The following MLIP variants were observed in gnomAD, a reference collection of about 807,000 sequenced individuals.
MLIP encodes the protein muscular LMNA-interacting protein.
MLIP carries 79 observed loss-of-function variants against 84.8 expected under a neutral mutation model. The observed-to-expected ratio is 0.93, with a 90% CI of 0.78 to 1.12. The LOEUF (loss-of-function observed/expected upper bound fraction) is 1.12, where lower values mean the gene tolerates loss of function less well. MLIP is among the 50% of genes most tolerant of loss of function. The pLI is 0.00. For missense variants in MLIP, 1,257 were observed against 1,160.6 expected (o/e 1.08, Z -1.21); for synonymous variants, 504 against 463.0 (o/e 1.09, Z -1.14).
At position 54,137,857 on chromosome 6, in the gene MLIP, T is replaced by C; in HGVS notation, c.1788T>C (p.Pro596=). Residue 596 remains proline (P), a synonymous_variant, in exon 4 of 14, where the codon CCT becomes CCC. Coordinates refer to ENST00000502396, the MANE Select transcript of MLIP (RefSeq NM_001281747.2). ...CCTCTGCATTATCTTCTCTATCTCC[T>C]CCTATTAATCAAAGAGCTACGTTCT... The part of the protein sequence containing the change: ...LASSALSSLS[P]PINQRATFSS... 3 of 1,536,058 alleles carry C rather than the reference T, an allele frequency of 2.0e-6. No homozygotes were observed. The highest frequency in any genetic ancestry group is 2.4e-5 in the South Asian group (2 of 84,056).
intron 1 of MLIP, among the ~76,000 whole-genome samples, chr6:54,035,832 G>A (rs1024652788): frequency 1.3e-5 from 2 of 151,836 alleles, no homozygotes; most frequent in Non-Finnish European, 1.5e-5. Flanking sequence ...TTCTTGTTAA[G>A]TTTTAAAAGT....
intron 1 of MLIP, among the ~76,000 whole-genome samples, chr6:54,114,919 A>G (rs1388143458): frequency 6.6e-6 from 1 of 152,224 alleles, no homozygotes; most frequent in African/African-American, 2.4e-5. Context: ...AGATGTGTGA[A>G]TAAATGTGGT....
intron 13 of MLIP, among the ~76,000 whole-genome samples, chr6:54,263,993 A>G (rs1562123468): frequency 6.6e-6 from 1 of 152,080 alleles, no homozygotes; most frequent in Non-Finnish European, 1.5e-5. Flanking sequence ...AAATAAACCC[A>G]GTAAAAACTT....
At position 54,066,885 on chromosome 6, in the gene MLIP, A is replaced by C. The variant is rs1339225848; in HGVS notation, c.63+47794A>C. Among the ~76,000 whole-genome samples the C allele has an allele frequency of 3.0e-5, 3 of 99,854 alleles. 1 individual carries two copies. The highest frequency in any genetic ancestry group is 5.7e-5 in the Non-Finnish European group (2 of 34,796). 65.5% of individuals were successfully genotyped at this position (99,854 alleles called of 152,430 possible). On this transcript the variant is annotated intron_variant, in intron 1 of 12. Transcript: ENST00000274897. ...CTAGGAAGTGATGTTTTATCCAAAA[A>C]AAATGGGAGTCAATTAAAAAAAGAG...
intron 1 of MLIP, among the ~76,000 whole-genome samples, chr6:54,048,972 T>C (rs1765226562): frequency 6.6e-6 from 1 of 152,188 alleles, no homozygotes; most frequent in South Asian, 2.1e-4. Context: ...GTGGCACACT[T>C]GAGATAAAAA....
At chr6:54,082,678 A>G (rs1429749264) in intron 1 of MLIP, among the ~76,000 whole-genome samples, 2 of 152,108 alleles carry the variant, frequency 1.3e-5, no homozygotes, top group Admixed American at 1.3e-4. Context: ...TGGTATTGCC[A>G]ATTTGGTGGG....
chr6:54,174,579 G>A (rs768507258), intron 9 of MLIP, among the ~76,000 whole-genome samples: 6 of 151,728 alleles, frequency 4.0e-5, no homozygotes, highest in African/African-American at 1.2e-4. Flanking sequence ...ATCTTTTGCC[G>A]ATTTTAAACT....
rs530301307 is a variant in MLIP, at chr6:54,095,299, G to A, written c.64-26148G>A. Among the ~76,000 whole-genome samples the A allele has an allele frequency of 2.6e-3, 392 of 152,254 alleles. 4 individuals are homozygous for A. Among genetic ancestry groups the A allele is most frequent in the African/African-American group, 8.7e-3 (361 of 41,562 alleles). On this transcript the variant is annotated intron_variant, in intron 1 of 12. Coordinates refer to the MLIP transcript ENST00000274897. ...ATATTGGTCACAATTCAGGTACATCGTGGGGAAGACAGACTTTTGCTCCCT... is the reference window on the plus strand; with the variant it reads ...ATATTGGTCACAATTCAGGTACATCATGGGGAAGACAGACTTTTGCTCCCT...
intron 1 of MLIP, chr6:54,047,376 A>T (rs7742682): frequency 3.3e-5 from 5 of 152,216 alleles, no homozygotes; most frequent in Non-Finnish European, 7.3e-5. Context: ...AGGCACTTAG[A>T]CTGAGCTTCT....
At chr6:54,243,316 C>T (rs182278351) in intron 12 of MLIP, among the ~76,000 whole-genome samples, 1 of 152,162 alleles carries the variant, frequency 6.6e-6, no homozygotes, top group Admixed American at 6.5e-5. Context: ...AGAAAAGGAA[C>T]AGAGCAAACT....
At chr6:54,035,645 T>G (rs1764389867) in intron 1 of MLIP, among the ~76,000 whole-genome samples, 2 of 152,068 alleles carry the variant, frequency 1.3e-5, no homozygotes, top group African/African-American at 4.8e-5. Flanking sequence ...TATTATTTTT[T>G]GTTTTAGCTA....
chr6:54,217,683 A>G, intron 11 of MLIP: 1 of 984,224 alleles, frequency 1.0e-6, no homozygotes, highest in Non-Finnish European at 1.2e-6. Flanking sequence ...TTCTATGTAT[A>G]CTGAAATTGA....
At chr6:54,183,748 T>TTG (rs1404243495) in intron 9 of MLIP, among the ~76,000 whole-genome samples, 1 of 147,440 alleles carries the variant, frequency 6.8e-6, no homozygotes, top group Non-Finnish European at 1.5e-5. Flanking sequence ...GGTAAGTTTT[T>TTG]TTTTTTTTTT....
intron 11 of MLIP, among the ~76,000 whole-genome samples, chr6:54,213,107 G>A (rs372873689): frequency 1.3e-5 from 2 of 152,274 alleles, no homozygotes; most frequent in South Asian, 2.1e-4. Context: ...AAGACTCTGG[G>A]TTAATCCTTG....
intron 12 of MLIP, among the ~76,000 whole-genome samples, chr6:54,248,512 G>A (rs1198004170): frequency 3.3e-5 from 5 of 152,056 alleles, no homozygotes; most frequent in Non-Finnish European, 7.4e-5. Flanking sequence ...AGTTGAGAAA[G>A]AAACAACTCT....
At chr6:54,025,237 C>T (rs1222859808) in intron 1 of MLIP, among the ~76,000 whole-genome samples, 3 of 152,162 alleles carry the variant, frequency 2.0e-5, no homozygotes, top group Non-Finnish European at 2.9e-5. Context: ...GTAACAGGCA[C>T]TCACTCAGAA....
chr6:54,073,926 A>C (rs1052180179), intron 1 of MLIP, among the ~76,000 whole-genome samples: 1 of 152,166 alleles, frequency 6.6e-6, no homozygotes, highest in African/African-American at 2.4e-5. Flanking sequence ...TCAGATATTA[A>C]CTCCACAATT....
intron 1 of MLIP, among the ~76,000 whole-genome samples, chr6:54,035,460 A>T (rs2150291177): frequency 6.6e-6 from 1 of 152,208 alleles, no homozygotes; most frequent in East Asian, 1.9e-4. Context: ...ATGGGTTTTC[A>T]TTTCTCTGGG....
At chr6:54,225,196 G>A (rs540488633) in intron 11 of MLIP, among the ~76,000 whole-genome samples, 1 of 152,180 alleles carries the variant, frequency 6.6e-6, no homozygotes, top group South Asian at 2.1e-4. Flanking sequence ...ACTAGTTAGG[G>A]GAATTCTTTT....
Sources: allele counts gnomAD v4.1 joint callset (sites outside exome capture counted in the v4.1 genomes callset), GRCh38; gene constraint gnomAD v4.1.1; transcripts MANE v1.5; gene names NCBI Gene and HGNC (gene_info 2026-07-23, HGNC 2026-07-21).